The following GRIPAP1 variants were observed in gnomAD, a reference collection of about 807,000 sequenced individuals.
GRIPAP1 encodes the protein GRIP1-associated protein 1.
Under a neutral mutation model 84.1 loss-of-function variants are expected in GRIPAP1, and 14 were observed. The observed-to-expected ratio is 0.17, with a 90% CI of 0.11 to 0.26. The LOEUF (loss-of-function observed/expected upper bound fraction) is 0.26, where lower values mean the gene tolerates loss of function less well. Ranked by LOEUF, GRIPAP1 falls within the 10% of genes least tolerant of loss-of-function variation. The pLI, the probability that GRIPAP1 is intolerant of heterozygous loss-of-function variation, is 1.00. For synonymous variants in GRIPAP1, 261 were observed against 256.8 expected, an observed-to-expected ratio of 1.02 and a Z score of -0.15; for missense variants, 518 against 674.2, an observed-to-expected ratio of 0.77 and a Z score of 2.57.
chrX:48,996,449 C>T (rs782819528), intron 5 of GRIPAP1, among the ~76,000 whole-genome samples: 7 of 111,859 alleles, frequency 6.3e-5, no homozygotes, highest in Non-Finnish European at 1.3e-4. Flanking sequence ...TAAATGTCCT[C>T]TCCCACCCAT....
In GRIPAP1 at chrX:48,983,929, C is replaced by T. The variant is rs1017856294; in HGVS notation, c.1177-59G>A. The stretch of plus-strand genomic sequence containing the variant: ...AAGAGCATCCAGTAGGTGCTAGTCA[C>T]CCAGGACCATCTGGTAGACCATCTC... On this transcript the variant is annotated intron_variant, in intron 14 of 25. Transcript: ENST00000376423. The T allele has an allele frequency of 1.2e-4, 84 of 681,857 alleles. No individual in the cohort carries two copies. The Middle Eastern group carries it at 3.8e-3, about 31-fold the overall frequency. 56.2% of individuals were successfully genotyped at this position (681,857 alleles called of 1,213,427 possible).
rs1468936421 is a variant in GRIPAP1 at position 48,981,221 on chromosome X, G to A, written c.1924C>T (p.Arg642Cys). The change falls in exon 21 of 26, where the codon CGC becomes TGC. Residue 642 changes from arginine (R) to cysteine (C), a missense_variant. Around this residue, in one of 5 missense-constraint regions of GRIPAP1, gnomAD observed 66 missense variants for 65.2 expected, o/e 1.01. Coordinates refer to ENST00000376423, the MANE Select transcript of GRIPAP1 (RefSeq NM_020137.5). ...LQDILTNSKSRSGLEELVLSE... is the reference protein window; with the variant it reads ...LQDILTNSKSCSGLEELVLSE... ...CCCTGTCCTAGTCCCTCACCTGAGC[G>A]GCTCTTGCTGTTAGTGAGGATGTCC... is the stretch of plus-strand genomic sequence containing the variant. The A allele has an allele frequency of 3.3e-6, 4 of 1,204,450 alleles. No individual in the cohort carries two copies. Among genetic ancestry groups the A allele is most frequent in the East Asian group, 3.0e-5 (1 of 33,781 alleles).
rs2064481353 is a variant in GRIPAP1, at chrX:48,985,356, G to A, written c.1088C>T (p.Thr363Ile). 3.3e-6 allele frequency: 4 copies of A among 1,205,237 alleles called. No homozygotes were observed. The highest frequency in any genetic ancestry group is 4.5e-6 in the Non-Finnish European group (4 of 891,004). The stretch of plus-strand genomic sequence containing the variant: ...CTGCAACTCAGCTGCCAGCCCAGTG[G>A]TCTGTTCCCGGAGCATATTCAGTTC... ...TQELNMLREQ[T>I]TGLAAELQQQ... Residue 363 changes from threonine to isoleucine, a missense_variant, in exon 14 of 26, where the codon ACC (threonine) becomes ATC (isoleucine). Around this residue, in one of 5 missense-constraint regions of GRIPAP1, gnomAD observed 372 missense variants for 458.1 expected, o/e 0.81. Transcript: ENST00000376423.
chrX:49,000,325 A>G (rs1175340959), intron 1 of GRIPAP1, among the ~76,000 whole-genome samples: 2 of 80,932 alleles, frequency 2.5e-5, no homozygotes, highest in Non-Finnish European at 4.5e-5. Flanking sequence ...AGATTGTGCC[A>G]CTGCACTCCA....
chrX:48,985,312 C>T lies in GRIPAP1; in HGVS notation c.1132G>A (p.Glu378Lys), dbSNP rs782108488. 1.2e-5 allele frequency: 14 copies of T among 1,204,299 alleles called. No homozygotes were observed. Among genetic ancestry groups the T allele is most frequent in the East Asian group, 3.0e-5 (1 of 33,732 alleles). Residue 378 changes from glutamate (E) to lysine (K), a missense_variant, in exon 14 of 26, where the codon GAG becomes AAG. Physicochemically the swap from Glu to Lys is moderately conservative, Grantham distance 56 (BLOSUM62 1). This residue lies in a region of GRIPAP1 where 372 missense variants were observed against 458.1 expected (regional missense o/e 0.81). Coordinates refer to ENST00000376423, the MANE Select transcript of GRIPAP1 (RefSeq NM_020137.5). ...AELQQQQAEY[E>K]DLMGQKDDLN... ...TCATCTTTCTGTCCCATAAGGTCCT[C>T]GTACTCAGCCTGCTGCTGCTGCAAC... is the stretch of plus-strand genomic sequence containing the variant.
chrX:48,994,532 A>G (rs1371142639), intron 5 of GRIPAP1, among the ~76,000 whole-genome samples: 1 of 111,441 alleles, frequency 9.0e-6, no homozygotes, highest in African/African-American at 3.3e-5. Flanking sequence ...CCTGCTTGCA[A>G]TATTTTCTAC....
chrX:48,985,012 A>T (rs1052258975), intron 14 of GRIPAP1, among the ~76,000 whole-genome samples: 4 of 111,089 alleles, frequency 3.6e-5, no homozygotes, highest in African/African-American at 6.5e-5. Context: ...ACAGAGCAAG[A>T]CTCCATCTCA....
chrX:48,988,388 A>T, intron 11 of GRIPAP1, 190 bp from the exon 12 acceptor site: 1 of 431,656 alleles, frequency 2.3e-6, no homozygotes. Flanking sequence ...GACACAGTCA[A>T]CCCCTCTATC....
At chrX:48,995,808 G>A (rs1351324943) in intron 5 of GRIPAP1, among the ~76,000 whole-genome samples, 1 of 110,612 alleles carries the variant, frequency 9.0e-6, no homozygotes, top group Non-Finnish European at 1.9e-5. Context: ...CGTTAGCCAG[G>A]ATGGTCTCCA....
At chrX:48,986,973 C>T (rs1194296230) in intron 13 of GRIPAP1, among the ~76,000 whole-genome samples, 1 of 108,520 alleles carries the variant, frequency 9.2e-6, no homozygotes, top group African/African-American at 3.4e-5. Flanking sequence ...CTCAGCCTCC[C>T]GAGTAGCTTG....
intron 1 of GRIPAP1, among the ~76,000 whole-genome samples, chrX:48,999,831 A>G (rs1383773204): frequency 9.0e-6 from 1 of 110,860 alleles, no homozygotes; most frequent in Admixed American, 9.7e-5. Context: ...CCCACAGGAT[A>G]AAGTTCCTCC....
chrX:48,995,468 G>C (rs1212555165), intron 5 of GRIPAP1, among the ~76,000 whole-genome samples: 2 of 111,958 alleles, frequency 1.8e-5, no homozygotes, highest in Non-Finnish European at 3.8e-5. Context: ...CTGCAGGTCA[G>C]AACAGCCTCT....
rs782664634 is a variant in GRIPAP1 at position 48,981,785 on chromosome X, C to A, written c.1677+10G>T. Reference sequence around the variant, plus strand: ...GTCTGGAGAGAGGAACACCATCATGCGAGAGGCACCTTCAGCTCGGCAGCG... The same window carrying A: ...GTCTGGAGAGAGGAACACCATCATGAGAGAGGCACCTTCAGCTCGGCAGCG... On this transcript the variant is annotated intron_variant, in intron 18 of 25. Coordinates refer to ENST00000376423, the MANE Select transcript of GRIPAP1 (RefSeq NM_020137.5). 1 of 1,176,026 alleles carries A rather than the reference C, an allele frequency of 8.5e-7. No individual in the cohort carries two copies. Among genetic ancestry groups the A allele is most frequent in the African/African-American group, 1.8e-5 (1 of 56,646 alleles).
chrX:48,981,486 C>T lies in GRIPAP1; in HGVS notation c.1774-14G>A. On this transcript the variant is annotated splice_polypyrimidine_tract_variant and intron_variant, in intron 19 of 25. Transcript: ENST00000376423. ...GTCCTTCACCTCCTGTGGGAGAAAG[C>T]AGGCATGGCTGGTAGATGCCGGAAG... The T allele has an allele frequency of 1.7e-6, 2 of 1,206,992 alleles. No individual in the cohort carries two copies. The highest frequency in any genetic ancestry group is 2.2e-6 in the Non-Finnish European group (2 of 892,162).
Position 48,981,451 on chromosome X carries a change from C to T in GRIPAP1, c.1795G>A (p.Gly599Arg), listed in dbSNP as rs373720668. 1 of 1,209,528 alleles carries T rather than the reference C, an allele frequency of 8.3e-7. No individual in the cohort carries two copies. Among genetic ancestry groups the T allele is most frequent in the African/African-American group, 1.7e-5 (1 of 57,401 alleles). The change falls in exon 20 of 26, where the codon GGG becomes AGG. Residue 599 changes from glycine to arginine, a missense_variant. Around this residue, in one of 5 missense-constraint regions of GRIPAP1, gnomAD observed 18 missense variants for 44.8 expected, o/e 0.40. Transcript: ENST00000376423. ...LKQEVKDTVD[G>R]QRILEKKGSA... ...CCCTTCTTCTCCAGGATCCTCTGCC[C>T]ATCCACTGTGTCCTTCACCTCCTGT...
chrX:49,000,363 TCAAAAAAAAAAA>T (rs2064571860), intron 1 of GRIPAP1, among the ~76,000 whole-genome samples: 1 of 16,819 alleles, frequency 5.9e-5, no homozygotes, highest in African/African-American at 2.6e-4. Context: ...AGACTCTGTC[TCAAAAAAAAAAA>T]AAAAAAAAAA....
In GRIPAP1 at chrX:48,974,274, A is replaced by T. The variant is rs1557059796; in HGVS notation, c.2445T>A (p.Val815=). Residue 815 remains valine (V), a synonymous_variant, in exon 26 of 26, where the codon GTT becomes GTA. Transcript: ENST00000376423. The part of the protein sequence containing the change: ...KNMHLHKDME[V]LSQEIVRLSK... ...TGAGCCGCACAATTTCCTGGGACAG[A>T]ACTTCCATATCCTAAGAAACAAATG... 1 of 1,195,633 alleles carries T rather than the reference A, an allele frequency of 8.4e-7. No individual in the cohort carries two copies. The highest frequency in any genetic ancestry group is 1.8e-5 in the South Asian group (1 of 56,369).
At chrX:48,982,936 G>A in intron 17 of GRIPAP1, 43 bp downstream of exon 17, 1 of 853,525 alleles carries the variant, frequency 1.2e-6, no homozygotes, top group Non-Finnish European at 1.8e-6. Flanking sequence ...TGACATGAGG[G>A]CCCCAATCAG....
chrX:48,999,317 G>T lies in GRIPAP1; in HGVS notation c.110-18C>A, dbSNP rs893388370. The T allele has an allele frequency of 2.5e-6, 3 of 1,190,972 alleles. No individual in the cohort carries two copies. The African/African-American group carries it at 5.3e-5, about 21-fold the overall frequency. On this transcript the variant is annotated intron_variant, in intron 2 of 25. Coordinates refer to ENST00000376423, the MANE Select transcript of GRIPAP1 (RefSeq NM_020137.5). The stretch of plus-strand genomic sequence containing the variant: ...GGTGAGTTCTGGTGTCGGGAAAGCA[G>T]GGAAACTCAGCCTCAGCCAGTGGCA...
Sources: gnomAD v4.1 joint callset for allele counts (sites outside exome capture counted in the v4.1 genomes callset) on GRCh38, gnomAD v4.1.1 for gene constraint, gnomAD v4.1.1 regional missense constraint, MANE v1.5 for transcripts, NCBI Gene and HGNC (gene_info 2026-07-23, HGNC 2026-07-21) for gene names.